Variants in PLEKHD1 observed in about 807,000 individuals in gnomAD.
PLEKHD1 encodes pleckstrin homology and coiled-coil domain containing D1, also known as pleckstrin homology domain-containing family D member 1.
In PLEKHD1, 51 loss-of-function variants were observed where a neutral mutation model predicts 69.2. That is an observed-to-expected ratio of 0.74 (90% CI 0.59 to 0.93). The LOEUF (loss-of-function observed/expected upper bound fraction) is 0.93. Among genes scored for constraint, PLEKHD1 ranks in the 40% least tolerant of loss-of-function variants. PLEKHD1 has a pLI of 0.00. For missense variants in PLEKHD1, 584 were observed against 641.0 expected, an observed-to-expected ratio of 0.91 and a Z score of 0.96; for synonymous variants, 236 against 244.7, an observed-to-expected ratio of 0.96 and a Z score of 0.33.
chr14:69,485,096 C>G lies in PLEKHD1; in HGVS notation c.131C>G (p.Ser44Trp). ...TGGAAGAGGCCTTTCGGCAGGCCGTCGGCCAAGTGGTCCCGGCGGTGAGTG... is the reference window on the plus strand; with the variant it reads ...TGGAAGAGGCCTTTCGGCAGGCCGTGGGCCAAGTGGTCCCGGCGGTGAGTG... The part of the protein sequence containing the change: ...VLWKRPFGRP[S>W]AKWSRRFFII... The change falls in exon 1 of 13, where the codon TCG becomes TGG. Residue 44 changes from serine (S) to tryptophan (W), a missense_variant. Coordinates refer to ENST00000322564, the MANE Select transcript of PLEKHD1 (RefSeq NM_001161498.2). 6.4e-7 allele frequency: 1 copy of G among 1,550,674 alleles called. No homozygotes were observed. Among genetic ancestry groups the G allele is most frequent in the Non-Finnish European group, 8.7e-7 (1 of 1,146,640 alleles).
intron 8 of PLEKHD1, among the ~76,000 whole-genome samples, 190 bp downstream of exon 8, chr14:69,524,512 C>G (rs1883595768): frequency 6.6e-6 from 1 of 152,258 alleles, no homozygotes; most frequent in Middle Eastern, 3.4e-3. Context: ...AGGCCCAAAG[C>G]AAGAAGTGTC....
chr14:69,471,688 C>T, the PLEKHD1 span, among the ~76,000 whole-genome samples: 1 of 152,108 alleles, frequency 6.6e-6, no homozygotes, highest in Non-Finnish European at 1.5e-5. Context: ...ATCATGCTGC[C>T]TCAGGATGTC....
At chr14:69,524,131 C>G (rs1328611900) in intron 7 of PLEKHD1, 98 bp from the exon 8 acceptor site, 2 of 972,320 alleles carry the variant, frequency 2.1e-6, no homozygotes, top group Admixed American at 4.2e-5. Context: ...CTCCTGAGCC[C>G]CATCAGGAAG....
chr14:69,518,396 C>A (rs1267514549), intron 6 of PLEKHD1, among the ~76,000 whole-genome samples: 1 of 152,090 alleles, frequency 6.6e-6, no homozygotes, highest in African/African-American at 2.4e-5. Flanking sequence ...AAGGATACAG[C>A]TGTTTTTGCT....
At chr14:69,509,815 G>A (rs1479553631) in intron 6 of PLEKHD1, among the ~76,000 whole-genome samples, 1 of 152,004 alleles carries the variant, frequency 6.6e-6, no homozygotes, top group Non-Finnish European at 1.5e-5. Flanking sequence ...GCGGGCGCCT[G>A]TAATCCCAGC....
chr14:69,472,361 C>T, the PLEKHD1 span, among the ~76,000 whole-genome samples: 8 of 152,214 alleles, frequency 5.3e-5, no homozygotes, highest in Non-Finnish European at 8.8e-5. Context: ...CTGGAATGCT[C>T]TTCCCCCTCC....
the PLEKHD1 span, among the ~76,000 whole-genome samples, chr14:69,477,924 A>C: frequency 6.6e-6 from 1 of 152,106 alleles, no homozygotes; most frequent in Non-Finnish European, 1.5e-5. Flanking sequence ...CCCTCTTCTC[A>C]CAGCTCCACT....
Position 69,485,111 on chromosome 14 carries a change from G to A in PLEKHD1, c.146G>A (p.Arg49Gln), listed in dbSNP as rs1882625429. ...GGCAGGCCGTCGGCCAAGTGGTCCC[G>A]GCGGTGAGTGCGCCCCCGCGCCCCA... is the stretch of plus-strand genomic sequence containing the variant. ...PFGRPSAKWS[R>Q]RFFIIKESFL... The change falls in exon 1 of 13, where the codon CGG (arginine) becomes CAG (glutamine). Residue 49 changes from arginine (R) to glutamine (Q), a missense_variant. Transcript: ENST00000322564. 6.5e-7 allele frequency: 1 copy of A among 1,549,458 alleles called. No homozygotes were observed. Among genetic ancestry groups the A allele is most frequent in the Non-Finnish European group, 8.7e-7 (1 of 1,146,104 alleles).
chr14:69,492,331 T>C (rs760325850), intron 1 of PLEKHD1, among the ~76,000 whole-genome samples: 1 of 152,248 alleles, frequency 6.6e-6, no homozygotes, highest in South Asian at 2.1e-4. Context: ...TTGTCACATC[T>C]TGGGGAGCTC....
intron 6 of PLEKHD1, among the ~76,000 whole-genome samples, chr14:69,511,454 A>G (rs1042039147): frequency 1.2e-4 from 18 of 151,994 alleles, no homozygotes; most frequent in African/African-American, 4.3e-4. Flanking sequence ...CACCTCACAC[A>G]GACCATTGTT....
the PLEKHD1 span, among the ~76,000 whole-genome samples, chr14:69,470,610 G>A: frequency 2.0e-5 from 3 of 152,174 alleles, no homozygotes. Flanking sequence ...GCAATGTGGT[G>A]TATTTCCTGG....
At chr14:69,506,598 C>T (rs1883155055) in intron 6 of PLEKHD1, among the ~76,000 whole-genome samples, 1 of 152,226 alleles carries the variant, frequency 6.6e-6, no homozygotes, top group Non-Finnish European at 1.5e-5. Flanking sequence ...TTTAGATTCA[C>T]AGCAAAACTA....
chr14:69,527,186 A>G lies in PLEKHD1; in HGVS notation c.1057-2A>G. On this transcript the variant is annotated splice_acceptor_variant, in intron 10 of 12. Coordinates refer to ENST00000322564, the MANE Select transcript of PLEKHD1 (RefSeq NM_001161498.2). LOFTEE classifies it high-confidence loss of function. ...TTCTCATTTCCCTCTCCTCAACCTC[A>G]GGCTGAGGTGAAGGTCCGCATGGAC... 6.5e-7 allele frequency: 1 copy of G among 1,540,118 alleles called. No homozygotes were observed. The highest frequency in any genetic ancestry group is 8.8e-7 in the Non-Finnish European group (1 of 1,142,532).
upstream of PLEKHD1, among the ~76,000 whole-genome samples, chr14:69,484,157 T>G (rs996740634): frequency 6.6e-6 from 1 of 152,218 alleles, no homozygotes; most frequent in African/African-American, 2.4e-5. Context: ...GAACCCAATC[T>G]TGATGGAGCC....
chr14:69,470,011 C>T, the PLEKHD1 span, among the ~76,000 whole-genome samples: 6 of 151,994 alleles, frequency 3.9e-5, no homozygotes, highest in African/African-American at 9.6e-5. Flanking sequence ...CGTGAGCCAC[C>T]GTGCCCTGCC....
intron 10 of PLEKHD1, 122 bp from the exon 11 acceptor site, chr14:69,527,066 C>T (rs897688479): frequency 2.2e-5 from 28 of 1,279,632 alleles, no homozygotes; most frequent in East Asian, 1.3e-4. Context: ...GACTCAGAAG[C>T]GGGATGTGAT....
At chr14:69,520,554 C>A (rs930933318) in intron 6 of PLEKHD1, among the ~76,000 whole-genome samples, 6 of 151,820 alleles carry the variant, frequency 4.0e-5, no homozygotes, top group African/African-American at 1.5e-4. Context: ...CCTGGTGAAA[C>A]CCCATCTCTA....
intron 6 of PLEKHD1, among the ~76,000 whole-genome samples, chr14:69,504,869 A>G (rs917737237): frequency 6.6e-6 from 1 of 152,134 alleles, no homozygotes; most frequent in African/African-American, 2.4e-5. Context: ...TTCTGCACAC[A>G]ATTCTATACA....
chr14:69,482,901 AAAAAAGAAAGAAAG>A (rs1277388232), upstream of PLEKHD1, among the ~76,000 whole-genome samples: 1 of 148,226 alleles, frequency 6.7e-6, no homozygotes, highest in African/African-American at 2.5e-5. Flanking sequence ...TCTAAAAAAA[AAAAAAGAAAGAAAG>A]AAAAAAAGAA....
Sources: allele counts gnomAD v4.1 joint callset (sites outside exome capture counted in the v4.1 genomes callset), GRCh38; gene constraint gnomAD v4.1.1; transcripts MANE v1.5; gene names NCBI Gene and HGNC (gene_info 2026-07-23, HGNC 2026-07-21).